EXOC6B: variants seen among roughly 807,000 people sequenced by gnomAD.
The protein encoded by EXOC6B is SEC15 homolog B.
Under a neutral mutation model 113.5 loss-of-function variants are expected in EXOC6B, and 54 were observed. That is an observed-to-expected ratio of 0.48 (90% confidence interval 0.38 to 0.60). The LOEUF (loss-of-function observed/expected upper bound fraction) is 0.60, where lower values mean the gene tolerates loss of function less well. Ranked by LOEUF, EXOC6B falls within the 20% of genes least tolerant of loss-of-function variation. The probability of loss-of-function intolerance (pLI) is 0.00; values close to 1 mark genes in which losing one functional copy is unlikely to be tolerated. For missense variants in EXOC6B, 797 were observed against 977.5 expected (o/e 0.82, Z 2.46); for synonymous variants, 357 against 339.0 (o/e 1.05, Z -0.58).
chr2:72,189,967 G>A (rs1461940959), intron 20 of EXOC6B, among the ~76,000 whole-genome samples: 2 of 141,248 alleles, frequency 1.4e-5, no homozygotes, highest in East Asian at 4.2e-4. Flanking sequence ...TCCTGCCTCA[G>A]CCTCCCGAGT....
intron 8 of EXOC6B, chr2:72,515,874 C>A: frequency 3.1e-6 from 1 of 325,934 alleles, no homozygotes; most frequent in Non-Finnish European, 4.4e-6. Context: ...GAGGGTGGGA[C>A]CTTAATAGAG....
In EXOC6B at chr2:72,304,748, A is replaced by G. The variant is rs115165495; in HGVS notation, c.2196+30199T>C. Among the ~76,000 whole-genome samples the G allele has an allele frequency of 6.6e-3, 1,000 of 152,300 alleles. 12 individuals are homozygous for G. Among genetic ancestry groups the G allele is most frequent in the African/African-American group, 0.022 (908 of 41,564 alleles). On this transcript the variant is annotated intron_variant, in intron 20 of 21. Transcript: ENST00000272427. Reference sequence around the variant, plus strand: ...ATTCAGCAGAGCCCTGTTTTTGGTTATATCAGTTCTGTTACCAATCTCCTT... The same window carrying G: ...ATTCAGCAGAGCCCTGTTTTTGGTTGTATCAGTTCTGTTACCAATCTCCTT...
intron 7 of EXOC6B, among the ~76,000 whole-genome samples, chr2:72,568,941 G>A (rs1235571979): frequency 6.6e-6 from 1 of 150,672 alleles, no homozygotes; most frequent in African/African-American, 2.5e-5. Flanking sequence ...AAATAACAGG[G>A]CACTTACACT....
intron 1 of EXOC6B, among the ~76,000 whole-genome samples, chr2:72,750,046 A>T (rs1681942530): frequency 6.6e-6 from 1 of 151,390 alleles, no homozygotes; most frequent in Non-Finnish European, 1.5e-5. Flanking sequence ...TACATACCTC[A>T]CACACACACA....
intron 1 of EXOC6B, among the ~76,000 whole-genome samples, chr2:72,810,062 T>G (rs1464129157): frequency 6.6e-6 from 1 of 152,068 alleles, no homozygotes; most frequent in Non-Finnish European, 1.5e-5. Context: ...CCAACCATAA[T>G]GAAATCAAAC....
chr2:72,572,334 T>C (rs1421754280), intron 7 of EXOC6B, among the ~76,000 whole-genome samples: 2 of 152,184 alleles, frequency 1.3e-5, no homozygotes, highest in Non-Finnish European at 2.9e-5. Context: ...ACAATCTGCA[T>C]TATAATATGC....
intron 1 of EXOC6B, among the ~76,000 whole-genome samples, chr2:72,754,616 C>CT (rs780607610): frequency 1.4e-3 from 186 of 135,202 alleles, no homozygotes; most frequent in Middle Eastern, 3.8e-3. Flanking sequence ...TTTTTTTTTT[C>CT]TTTTTTTTTT....
rs548405817 is a variant in EXOC6B, at chr2:72,387,985, T to C, written c.1981-8115A>G. ...CAATTTTCCTCTAAGCTAGCAGTTC[T>C]CAACTGGGGGCAATTTTGTTTCCCA... On this transcript the variant is annotated intron_variant, in intron 18 of 21. Coordinates refer to ENST00000272427, the MANE Select transcript of EXOC6B (RefSeq NM_015189.3). 7.2e-5 allele frequency among the ~76,000 whole-genome samples: 11 copies of C among 152,278 alleles called. No individual in the cohort carries two copies. The South Asian group carries it at 2.3e-3, about 32-fold the overall frequency.
chr2:72,468,323 A>G (rs1189022002), intron 17 of EXOC6B, among the ~76,000 whole-genome samples: 2 of 152,112 alleles, frequency 1.3e-5, no homozygotes, highest in African/African-American at 4.8e-5. Context: ...TGATTTTTAT[A>G]TATGGTGTGA....
chr2:72,699,433 G>A (rs942128463), intron 6 of EXOC6B, among the ~76,000 whole-genome samples: 5 of 150,244 alleles, frequency 3.3e-5, no homozygotes, highest in African/African-American at 9.8e-5. Context: ...AGCCAAGATC[G>A]CGCCACTGCA....
At chr2:72,769,226 A>C (rs1327820253) in intron 1 of EXOC6B, among the ~76,000 whole-genome samples, 2 of 152,224 alleles carry the variant, frequency 1.3e-5, no homozygotes, top group Admixed American at 1.3e-4. Flanking sequence ...CTGCATACAA[A>C]AGGAAAAGTG....
chr2:72,779,941 C>A (rs954613615), intron 1 of EXOC6B, among the ~76,000 whole-genome samples: 1 of 152,090 alleles, frequency 6.6e-6, no homozygotes, highest in African/African-American at 2.4e-5. Context: ...AGAGGCAAGT[C>A]TGAAAAAGAG....
chr2:72,328,627 G>C (rs1297199131), intron 20 of EXOC6B, among the ~76,000 whole-genome samples: 1 of 152,060 alleles, frequency 6.6e-6, no homozygotes, highest in Non-Finnish European at 1.5e-5. Flanking sequence ...CTATATCCAA[G>C]TGCTTGCTGT....
chr2:72,800,426 C>A (rs906077573), intron 1 of EXOC6B, among the ~76,000 whole-genome samples: 3 of 151,922 alleles, frequency 2.0e-5, no homozygotes, highest in African/African-American at 7.3e-5. Context: ...TTCTGCCTGT[C>A]ATAAAAAAAT....
intron 6 of EXOC6B, among the ~76,000 whole-genome samples, chr2:72,597,264 T>C (rs956970944): frequency 6.6e-6 from 1 of 151,556 alleles, no homozygotes; most frequent in African/African-American, 2.4e-5. Context: ...AGTTTATGGA[T>C]AAAGGAAATT....
chr2:72,768,538 C>A (rs1683234335), intron 1 of EXOC6B, among the ~76,000 whole-genome samples: 1 of 151,576 alleles, frequency 6.6e-6, no homozygotes, highest in Admixed American at 6.6e-5. Context: ...CTCCAGACCT[C>A]AGGTGATCCC....
Position 72,825,860 on chromosome 2 carries a change from C to A in EXOC6B, c.51G>T (p.Glu17Asp). The A allele has an allele frequency of 6.2e-7, 1 of 1,613,608 alleles. No individual in the cohort carries two copies. The highest frequency in any genetic ancestry group is 8.5e-7 in the Non-Finnish European group (1 of 1,179,742). Residue 17 changes from glutamate to aspartate, a missense_variant, in exon 1 of 22, where the codon GAG (glutamate) becomes GAT (aspartate). By Grantham distance (45) the Glu-to-Asp change is conservative. Transcript: ENST00000272427. This position sits in a 1 kb window ranked among gnomAD's most constrained non-coding sequence, Gnocchi z 4.4. ...AEAESLETAA[E>D]HERILREIES... is the part of the protein sequence containing the mutation. ...CGATCTCTCGCAGGATCCGCTCGTG[C>A]TCTGCCGCTGTCTCCAGGCTCTCCG...
chr2:72,293,164 TGA>T (rs1394215046), intron 20 of EXOC6B, among the ~76,000 whole-genome samples: 2 of 152,174 alleles, frequency 1.3e-5, no homozygotes, highest in Non-Finnish European at 2.9e-5. Flanking sequence ...ACTGTATAAA[TGA>T]GAGACTTGTT....
chr2:72,713,961 T>C (rs908560421), intron 6 of EXOC6B, among the ~76,000 whole-genome samples: 3 of 152,118 alleles, frequency 2.0e-5, no homozygotes, highest in Non-Finnish European at 4.4e-5. Context: ...CAATATAATA[T>C]TGGCAGAAGT....
Sources: gnomAD v4.1 joint callset for allele counts (sites outside exome capture counted in the v4.1 genomes callset) on GRCh38, gnomAD v4.1.1 for gene constraint, Gnocchi (gnomAD v3.1) non-coding constraint, MANE v1.5 for transcripts, NCBI Gene and HGNC (gene_info 2026-07-23, HGNC 2026-07-21) for gene names.